Variants in CDK6 observed in about 807,000 individuals in gnomAD.
CDK6 encodes cyclin-dependent kinase 6.
In CDK6, 6 loss-of-function variants were observed where a neutral mutation model predicts 37.1. The ratio of observed to expected loss-of-function variants is 0.16; its 90% CI spans 0.09 to 0.32. The LOEUF (loss-of-function observed/expected upper bound fraction) is 0.32. CDK6 is among the 10% of genes least tolerant of loss of function. The pLI is 1.00. For missense variants in CDK6, 224 were observed against 418.9 expected, an observed-to-expected ratio of 0.53 and a Z score of 4.06; for synonymous variants, 160 against 161.3, an observed-to-expected ratio of 0.99 and a Z score of 0.06.
chr7:92,698,747 A>C (rs1338543457), intron 4 of CDK6, among the ~76,000 whole-genome samples: 1 of 152,148 alleles, frequency 6.6e-6, no homozygotes, highest in Non-Finnish European at 1.5e-5. Flanking sequence ...ACGCACAATC[A>C]CTGGCTTCAG....
chr7:92,686,790 A>AT (rs533333108), intron 4 of CDK6, among the ~76,000 whole-genome samples: 1,579 of 145,770 alleles, frequency 0.011, 17 homozygotes, highest in African/African-American at 0.032. Context: ...GCCAACATCC[A>AT]TTTTTTTTTT....
intron 5 of CDK6, among the ~76,000 whole-genome samples, chr7:92,640,613 T>C (rs1796282704): frequency 6.6e-6 from 1 of 152,214 alleles, no homozygotes; most frequent in Non-Finnish European, 1.5e-5. Context: ...TGACTATTAC[T>C]TTCTGACTGA....
At chr7:92,766,477 G>A (rs1050662160) in intron 3 of CDK6, among the ~76,000 whole-genome samples, 4 of 152,210 alleles carry the variant, frequency 2.6e-5, no homozygotes, top group African/African-American at 9.6e-5. Flanking sequence ...ATGGTTAGCT[G>A]ACTATCTGTA....
At chr7:92,625,566 A>AC (rs1648860913) in intron 5 of CDK6, among the ~76,000 whole-genome samples, 6 of 151,930 alleles carry the variant, frequency 3.9e-5, no homozygotes, top group African/African-American at 1.5e-4. Flanking sequence ...ACAAAACAAA[A>AC]AAAACCAAAA....
intron 2 of CDK6, among the ~76,000 whole-genome samples, chr7:92,801,303 A>C (rs1162992895): frequency 3.3e-5 from 5 of 152,176 alleles, no homozygotes; most frequent in Non-Finnish European, 7.3e-5. Flanking sequence ...ACTGGAATTA[A>C]GCTTTTAGAG....
At chr7:92,750,826 A>G (rs963383482) in intron 3 of CDK6, among the ~76,000 whole-genome samples, 1 of 152,158 alleles carries the variant, frequency 6.6e-6, no homozygotes, top group African/African-American at 2.4e-5. Flanking sequence ...TCGCAATATA[A>G]AAATTTACCT....
At chr7:92,645,196 A>G (rs1389189595) in intron 5 of CDK6, among the ~76,000 whole-genome samples, 1 of 152,204 alleles carries the variant, frequency 6.6e-6, no homozygotes, top group African/African-American at 2.4e-5. Context: ...TCAGTTTTTA[A>G]GCCGTATTAC....
At chr7:92,744,265 C>G (rs1799002497) in intron 3 of CDK6, among the ~76,000 whole-genome samples, 1 of 152,148 alleles carries the variant, frequency 6.6e-6, no homozygotes, top group Non-Finnish European at 1.5e-5. Flanking sequence ...GCCTCACAAT[C>G]ATGGCGGAAG....
chr7:92,614,350 A>G lies in CDK6; in HGVS notation c.*790T>C, dbSNP rs905533663. Reference sequence around the variant, plus strand: ...GGCTATTTTCCAAAAGAAATGATAAAGCATGATGTCATACAGAAGGTTAAA... The same window carrying G: ...GGCTATTTTCCAAAAGAAATGATAAGGCATGATGTCATACAGAAGGTTAAA... On this transcript the variant is annotated 3_prime_UTR_variant, in exon 8 of 8. Coordinates refer to ENST00000424848, the MANE Select transcript of CDK6 (RefSeq NM_001145306.2). 4.4e-6 allele frequency: 1 copy of G among 229,698 alleles called. No homozygotes were observed. Among genetic ancestry groups the G allele is most frequent in the African/African-American group, 2.4e-5 (1 of 42,160 alleles). The allele number at this position is 229,698 out of a possible 1,614,324, so 14.2% of individuals were successfully genotyped here.
intron 2 of CDK6, among the ~76,000 whole-genome samples, chr7:92,803,835 T>C (rs974761600): frequency 3.9e-5 from 6 of 152,090 alleles, no homozygotes; most frequent in Non-Finnish European, 7.4e-5. Context: ...AAAGGGAAAA[T>C]CTATTAGACT....
intron 5 of CDK6, among the ~76,000 whole-genome samples, chr7:92,656,678 A>G (rs555529344): frequency 4.6e-5 from 7 of 152,304 alleles, no homozygotes; most frequent in Middle Eastern, 6.8e-3. Flanking sequence ...AGCTAGAATA[A>G]TTTTGTGCAG....
intron 5 of CDK6, among the ~76,000 whole-genome samples, chr7:92,630,375 G>A (rs940725835): frequency 1.3e-5 from 2 of 151,738 alleles, no homozygotes; most frequent in African/African-American, 4.9e-5. Context: ...CTTAAGGCTG[G>A]GAAAGAAATG....
rs780301276 is a variant in CDK6, at chr7:92,833,079, T to C, written c.233+12A>G. ...AGGCCCCAGATGGCGAGGGCGCAGC[T>C]CCCTGGCTCACCTGACCACGTTGGG... On this transcript the variant is annotated intron_variant, in intron 2 of 7. Coordinates refer to ENST00000424848, the MANE Select transcript of CDK6 (RefSeq NM_001145306.2). The surrounding 1 kb of genome is among the most constrained non-coding windows in gnomAD (Gnocchi z 6.1). 16 of 1,547,678 alleles carry C rather than the reference T, an allele frequency of 1.0e-5. No homozygotes were observed. The South Asian group carries it at 1.9e-4, about 18-fold the overall frequency.
chr7:92,822,524 T>C (rs182219818), intron 2 of CDK6, among the ~76,000 whole-genome samples: 1 of 152,270 alleles, frequency 6.6e-6, no homozygotes, highest in Admixed American at 6.5e-5. Context: ...AACTATTTAT[T>C]CACTCAGTCA....
chr7:92,785,131 C>G (rs1800092277), intron 2 of CDK6, among the ~76,000 whole-genome samples: 1 of 152,044 alleles, frequency 6.6e-6, no homozygotes, highest in African/African-American at 2.4e-5. Flanking sequence ...TGTAAATAAC[C>G]CAAATGTCCA....
intron 5 of CDK6, among the ~76,000 whole-genome samples, chr7:92,649,098 A>C (rs1186195281): frequency 6.6e-6 from 1 of 152,098 alleles, no homozygotes; most frequent in African/African-American, 2.4e-5. Context: ...CTATATGTAT[A>C]TATCTTTGGA....
chr7:92,762,163 G>C (rs926931704), intron 3 of CDK6, among the ~76,000 whole-genome samples: 2 of 151,992 alleles, frequency 1.3e-5, no homozygotes, highest in Non-Finnish European at 2.9e-5. Flanking sequence ...ATAATGGGGG[G>C]GACAAGAATT....
intron 3 of CDK6, among the ~76,000 whole-genome samples, chr7:92,730,589 A>G (rs1798621239): frequency 6.6e-6 from 1 of 152,138 alleles, no homozygotes; most frequent in Admixed American, 6.5e-5. Context: ...TGTTTCTATG[A>G]ATCTGACAAC....
intron 5 of CDK6, among the ~76,000 whole-genome samples, chr7:92,640,165 A>G (rs1199171651): frequency 6.6e-6 from 1 of 152,132 alleles, no homozygotes; most frequent in African/African-American, 2.4e-5. Flanking sequence ...CATGGAACGT[A>G]TATGTATCCT....
Sources: allele counts gnomAD v4.1 joint callset (sites outside exome capture counted in the v4.1 genomes callset), GRCh38; gene constraint gnomAD v4.1.1; non-coding constraint Gnocchi (gnomAD v3.1); transcripts MANE v1.5; gene names NCBI Gene and HGNC (gene_info 2026-07-23, HGNC 2026-07-21).